AMOT: variants seen among roughly 807,000 people sequenced by gnomAD.
AMOT encodes the protein angiomotin.
Under a neutral mutation model 67.0 loss-of-function variants are expected in AMOT, and 11 were observed. That is an observed-to-expected ratio of 0.16 (90% CI 0.10 to 0.27). The LOEUF (loss-of-function observed/expected upper bound fraction) is 0.27. Among genes scored for constraint, AMOT ranks in the 10% least tolerant of loss-of-function variants. AMOT has a pLI of 1.00. For synonymous variants in AMOT, 326 were observed against 321.4 expected (o/e 1.01, Z -0.15); for missense variants, 753 against 852.0 (o/e 0.88, Z 1.45).
chrX:112,831,547 G>A (rs1043593711), intron 2 of AMOT, among the ~76,000 whole-genome samples: 3 of 110,255 alleles, frequency 2.7e-5, no homozygotes, highest in Non-Finnish European at 3.8e-5. Flanking sequence ...CCAATTCAAC[G>A]GGAAAACAGA....
rs373083926 is a variant in AMOT at position 112,815,764 on chromosome X, G to C, written c.986C>G (p.Thr329Ser). The change falls in exon 5 of 14, where the codon ACT (threonine) becomes AGT (serine). Residue 329 changes from threonine (T) to serine (S), a missense_variant. Transcript: ENST00000371959. ...SLPLLQSPPS[T>S]RLSPARHPLV... ...GGGGTGTCGGGCAGGAGACAATCTAGTGGATGGTGGAGATTGTAGCAAGGG... is the reference window on the plus strand; with the variant it reads ...GGGGTGTCGGGCAGGAGACAATCTACTGGATGGTGGAGATTGTAGCAAGGG... 2 of 1,167,705 alleles carry C rather than the reference G, an allele frequency of 1.7e-6. No homozygotes were observed. The highest frequency in any genetic ancestry group is 2.3e-6 in the Non-Finnish European group (2 of 873,018).
intron 8 of AMOT, among the ~76,000 whole-genome samples, chrX:112,799,951 G>A (rs1479770366): frequency 5.4e-5 from 6 of 111,738 alleles, no homozygotes; most frequent in Non-Finnish European, 7.5e-5. Flanking sequence ...AAGTAAATAC[G>A]GCCAGGCACG....
intron 2 of AMOT, among the ~76,000 whole-genome samples, chrX:112,829,487 T>C (rs1004620880): frequency 8.9e-6 from 1 of 112,010 alleles, no homozygotes; most frequent in African/African-American, 3.2e-5. Flanking sequence ...CCTGCAGAAC[T>C]GTGAGCCCAT....
chrX:112,822,182 C>T, intron 4 of AMOT, 73 bp downstream of exon 4: 1 of 1,061,797 alleles, frequency 9.4e-7, no homozygotes, highest in Non-Finnish European at 1.2e-6. Context: ...CGTTCCTTCC[C>T]TAAGATTCCC....
At position 112,840,480 on chromosome X, in the gene AMOT, ACT is replaced by A. The variant is rs1002466830; in HGVS notation, c.-319_-318del. On this transcript the variant is annotated 5_prime_UTR_variant, in exon 1 of 14. Coordinates refer to ENST00000371959, the MANE Select transcript of AMOT (RefSeq NM_001113490.2). ...TGAAGGCAAAGAAGACAAGGTGACG[ACT>A]CTCTGCTCGCTCAAGTGGCTTCGGT... The A allele has an allele frequency of 4.5e-5, 5 of 111,865 alleles. No homozygotes were observed. The highest frequency in any genetic ancestry group is 6.5e-5 in the African/African-American group (2 of 30,759). The allele number at this position is 111,865 out of a possible 1,213,427, so 9.2% of individuals were successfully genotyped here. A position where few individuals can be genotyped will look rare whatever the true frequency, so the allele number is the denominator to read the frequency against.
intron 2 of AMOT, among the ~76,000 whole-genome samples, chrX:112,827,699 C>T (rs778589831): frequency 4.5e-5 from 5 of 112,133 alleles, no homozygotes; most frequent in Non-Finnish European, 3.8e-5. Flanking sequence ...TGGCCTCTCC[C>T]AATACACCTG....
intron 2 of AMOT, among the ~76,000 whole-genome samples, chrX:112,830,705 C>T (rs1050677446): frequency 6.3e-5 from 7 of 111,847 alleles, no homozygotes; most frequent in African/African-American, 1.9e-4. Context: ...GAGTGGAATG[C>T]GGGCTCCCCT....
Position 112,815,292 on chromosome X carries a change from T to A in AMOT, c.1392+66A>T, listed in dbSNP as rs1465027632. On this transcript the variant is annotated intron_variant, in intron 5 of 13. Coordinates refer to ENST00000371959, the MANE Select transcript of AMOT (RefSeq NM_001113490.2). ...GGATTCACAACTGGAGACTTTAATGTGGATATTAAACAAGTCTCACAAATA... is the reference window on the plus strand; with the variant it reads ...GGATTCACAACTGGAGACTTTAATGAGGATATTAAACAAGTCTCACAAATA... 2.7e-6 allele frequency: 3 copies of A among 1,119,813 alleles called. No homozygotes were observed. The African/African-American group carries it at 5.6e-5, about 21-fold the overall frequency. The allele number at this position is 1,119,813 out of a possible 1,213,427, so 92.3% of individuals were successfully genotyped here. A position where few individuals can be genotyped will look rare whatever the true frequency, so the allele number is the denominator to read the frequency against.
intron 12 of AMOT, among the ~76,000 whole-genome samples, chrX:112,780,154 T>G (rs7049702): frequency 0.023 from 2,545 of 111,873 alleles, 72 homozygotes; most frequent in African/African-American, 0.078. Context: ...ACAGATTGAG[T>G]GTGGTAATAA....
At chrX:112,819,816 T>C (rs776516867) in intron 4 of AMOT, among the ~76,000 whole-genome samples, 3 of 112,653 alleles carry the variant, frequency 2.7e-5, no homozygotes, top group Non-Finnish European at 5.6e-5. Flanking sequence ...CAAGCAAATG[T>C]TTTCTTAACA....
chrX:112,788,044 T>C lies in AMOT; in HGVS notation c.2117+2548A>G, dbSNP rs767529394. 2.4e-4 allele frequency among the ~76,000 whole-genome samples: 27 copies of C among 111,071 alleles called. No homozygotes were observed. The East Asian group carries it at 6.8e-3, about 28-fold the overall frequency. Reference sequence around the variant, plus strand: ...GTGGCTCACACCTGTAATCCCAGCATTTTGGGAGGCCGAGACAGGTGGATC... The same window carrying C: ...GTGGCTCACACCTGTAATCCCAGCACTTTGGGAGGCCGAGACAGGTGGATC... On this transcript the variant is annotated intron_variant, in intron 10 of 13. Transcript: ENST00000371959.
intron 2 of AMOT, among the ~76,000 whole-genome samples, chrX:112,831,310 T>C (rs2147831405): frequency 9.1e-6 from 1 of 110,269 alleles, no homozygotes; most frequent in African/African-American, 3.3e-5. Context: ...TCCCTCTCCA[T>C]CTATTCCTGA....
At position 112,781,459 on chromosome X, in the gene AMOT, A is replaced by C. The variant is rs750413512; in HGVS notation, c.2241-341T>G. 5.6e-3 allele frequency among the ~76,000 whole-genome samples: 614 copies of C among 109,100 alleles called. 8 individuals carry two copies. Among genetic ancestry groups the C allele is most frequent in the African/African-American group, 0.019 (575 of 29,978 alleles). 94.7% of individuals were successfully genotyped at this position (109,100 alleles called of 115,157 possible). A position where few individuals can be genotyped will look rare whatever the true frequency, so the allele number is the denominator to read the frequency against. On this transcript the variant is annotated intron_variant, in intron 11 of 13. Coordinates refer to ENST00000371959, the MANE Select transcript of AMOT (RefSeq NM_001113490.2). ...ACTCCATCTCAAAAAAAAAAAAAAA[A>C]AAAAAAAAACCTTCTTGCTACCTCC...
chrX:112,830,547 A>G (rs1219877273), intron 2 of AMOT, among the ~76,000 whole-genome samples: 1 of 112,676 alleles, frequency 8.9e-6, no homozygotes. Flanking sequence ...AAATAAAATT[A>G]GCAAAACACC....
chrX:112,799,129 A>G (rs1216242563), intron 8 of AMOT, among the ~76,000 whole-genome samples: 2 of 112,434 alleles, frequency 1.8e-5, no homozygotes, highest in Admixed American at 9.4e-5. Context: ...CAGGGTTAAA[A>G]TGTTTTAGAT....
intron 2 of AMOT, among the ~76,000 whole-genome samples, 174 bp downstream of exon 2, chrX:112,832,120 G>A (rs1363351250): frequency 2.7e-5 from 3 of 111,446 alleles, no homozygotes; most frequent in South Asian, 3.8e-4. Context: ...GGCGGGGTGC[G>A]TGATTTTTCA....
rs1602769021 is a variant in AMOT at position 112,793,624 on chromosome X, C to G, written c.1777-1643G>C. On this transcript the variant is annotated intron_variant, in intron 8 of 13. Coordinates refer to ENST00000371959, the MANE Select transcript of AMOT (RefSeq NM_001113490.2). ...TTTTCCTACCAGACCTGTAGTATGCCTTGCCTAGGTAACTGGCAAACAAAA... is the reference window on the plus strand; with the variant it reads ...TTTTCCTACCAGACCTGTAGTATGCGTTGCCTAGGTAACTGGCAAACAAAA... 2.7e-5 allele frequency among the ~76,000 whole-genome samples: 3 copies of G among 112,464 alleles called. No individual in the cohort carries two copies. The South Asian group carries it at 1.1e-3, about 42-fold the overall frequency.
At chrX:112,806,210 T>C (rs1934176340) in intron 7 of AMOT, among the ~76,000 whole-genome samples, 1 of 108,247 alleles carries the variant, frequency 9.2e-6, no homozygotes, top group South Asian at 4.1e-4. Context: ...GAGGTTGCAG[T>C]AAGCCGAGAT....
intron 10 of AMOT, among the ~76,000 whole-genome samples, chrX:112,784,659 G>A (rs190443469): frequency 1.1e-4 from 12 of 112,218 alleles, no homozygotes; most frequent in Non-Finnish European, 1.9e-4. Flanking sequence ...AATCACATAG[G>A]TGGAAAGATG....
Sources: gnomAD v4.1 joint callset for allele counts (sites outside exome capture counted in the v4.1 genomes callset) on GRCh38, gnomAD v4.1.1 for gene constraint, MANE v1.5 for transcripts, NCBI Gene and HGNC (gene_info 2026-07-23, HGNC 2026-07-21) for gene names.